The following KLF12 variants were observed in gnomAD, a reference collection of about 807,000 sequenced individuals.
KLF12 encodes KLF transcription factor 12, also known as Krueppel-like factor 12.
A neutral mutation model predicts 37.8 loss-of-function variants in KLF12; 9 were observed. The observed-to-expected ratio is 0.24, with a 90% CI of 0.14 to 0.42. The LOEUF is 0.42. KLF12 is among the 10% of genes least tolerant of loss of function. KLF12 has a pLI of 1.00. For missense variants in KLF12, 411 were observed against 516.0 expected, an observed-to-expected ratio of 0.80 and a Z score of 1.97; for synonymous variants, 208 against 202.1, an observed-to-expected ratio of 1.03 and a Z score of -0.25.
At chr13:74,014,966 A>T (rs1402344227) in intron 1 of KLF12, among the ~76,000 whole-genome samples, 1 of 152,192 alleles carries the variant, frequency 6.6e-6, no homozygotes. Flanking sequence ...AATCAAATCC[A>T]AGGATTGTGA....
chr13:73,741,662 C>T (rs1341002423), intron 6 of KLF12, among the ~76,000 whole-genome samples: 3 of 152,136 alleles, frequency 2.0e-5, no homozygotes, highest in Admixed American at 2.0e-4. Context: ...AGGATTACAA[C>T]CCTCATCTCT....
At chr13:73,956,770 T>TA (rs112313779) in intron 2 of KLF12, among the ~76,000 whole-genome samples, 10,785 of 151,222 alleles carry the variant, frequency 0.071, 605 homozygotes, top group African/African-American at 0.16. Context: ...AAAATAACAA[T>TA]AAAAAAAACT....
intron 1 of KLF12, among the ~76,000 whole-genome samples, chr13:74,119,620 T>C (rs546633607): frequency 1.3e-5 from 2 of 152,194 alleles, no homozygotes; most frequent in African/African-American, 2.4e-5. Flanking sequence ...CAGGAAGAAT[T>C]AGGAAACTTG....
At chr13:73,698,785 C>T (rs1203463746) in intron 7 of KLF12, among the ~76,000 whole-genome samples, 1 of 152,110 alleles carries the variant, frequency 6.6e-6, no homozygotes, top group African/African-American at 2.4e-5. Flanking sequence ...ATCTAGTCTT[C>T]TATGGAAGGG....
intron 6 of KLF12, among the ~76,000 whole-genome samples, chr13:73,762,098 G>C (rs905386568): frequency 6.6e-5 from 10 of 152,158 alleles, no homozygotes; most frequent in Non-Finnish European, 1.5e-4. Flanking sequence ...ATACCCGCAA[G>C]AAGTTCTTAT....
chr13:73,880,760 T>A (rs1397336047), intron 3 of KLF12, among the ~76,000 whole-genome samples: 1 of 152,226 alleles, frequency 6.6e-6, no homozygotes, highest in African/African-American at 2.4e-5. Flanking sequence ...CCCAGATTCT[T>A]GGCTATGTTC....
At chr13:74,012,616 C>T (rs1047036999) in intron 1 of KLF12, among the ~76,000 whole-genome samples, 1 of 152,174 alleles carries the variant, frequency 6.6e-6, no homozygotes, top group Non-Finnish European at 1.5e-5. Flanking sequence ...AATGTCAAAC[C>T]TCTGACAACA....
chr13:74,205,019 C>G, the KLF12 span, among the ~76,000 whole-genome samples: 3 of 152,052 alleles, frequency 2.0e-5, no homozygotes, highest in African/African-American at 7.2e-5. Context: ...TTCCCATTTA[C>G]TCTTTATTGT....
intron 6 of KLF12, among the ~76,000 whole-genome samples, chr13:73,731,113 C>T (rs922766507): frequency 3.9e-5 from 6 of 152,004 alleles, no homozygotes; most frequent in African/African-American, 1.2e-4. Flanking sequence ...CAGAGGGGAC[C>T]AATTCCAAGG....
At chr13:74,073,015 G>A (rs1243692507) in intron 1 of KLF12, among the ~76,000 whole-genome samples, 1 of 152,164 alleles carries the variant, frequency 6.6e-6, no homozygotes, top group Non-Finnish European at 1.5e-5. Context: ...ATGATTGTGA[G>A]TGTCTCATGA....
At chr13:74,030,209 G>C (rs892669782) in intron 1 of KLF12, among the ~76,000 whole-genome samples, 2 of 152,028 alleles carry the variant, frequency 1.3e-5, no homozygotes, top group Admixed American at 6.6e-5. Flanking sequence ...CAGTATGGTA[G>C]CCAGGACTCA....
intron 1 of KLF12, among the ~76,000 whole-genome samples, chr13:74,072,821 T>A (rs1874350260): frequency 6.6e-6 from 1 of 152,212 alleles, no homozygotes; most frequent in Admixed American, 6.5e-5. Flanking sequence ...ATCTGTGTTG[T>A]CACACTCCTC....
chr13:74,303,728 C>A, the KLF12 span, among the ~76,000 whole-genome samples: 11 of 152,086 alleles, frequency 7.2e-5, no homozygotes, highest in Admixed American at 7.2e-4. Flanking sequence ...TGTCAACGCA[C>A]AAATCCTCTA....
intron 3 of KLF12, among the ~76,000 whole-genome samples, chr13:73,857,806 G>A (rs1312652198): frequency 6.6e-6 from 1 of 152,132 alleles, no homozygotes; most frequent in African/African-American, 2.4e-5. Context: ...AGAGACCTAT[G>A]GCAGTAGGTA....
intron 4 of KLF12, among the ~76,000 whole-genome samples, chr13:73,835,162 A>G (rs1884366243): frequency 6.6e-6 from 1 of 151,678 alleles, no homozygotes; most frequent in South Asian, 2.1e-4. Context: ...TCTCGAATTC[A>G]GGTTTGAGTT....
At chr13:74,025,410 C>T (rs538443908) in intron 1 of KLF12, among the ~76,000 whole-genome samples, 3 of 152,006 alleles carry the variant, frequency 2.0e-5, no homozygotes, top group Middle Eastern at 3.4e-3. Flanking sequence ...GGGAAGAAGT[C>T]TCTGTTGCTA....
intron 2 of KLF12, among the ~76,000 whole-genome samples, chr13:73,958,959 G>A (rs1013124261): frequency 2.0e-5 from 3 of 151,938 alleles, no homozygotes; most frequent in Non-Finnish European, 4.4e-5. Context: ...GCAACTAATT[G>A]CTGAAACCTA....
chr13:74,180,108 A>G, the KLF12 span, among the ~76,000 whole-genome samples: 1 of 152,204 alleles, frequency 6.6e-6, no homozygotes, highest in Non-Finnish European at 1.5e-5. Context: ...GTTTTGATTA[A>G]TTGGGCTGTG....
At chr13:74,284,214 A>G in the KLF12 span, among the ~76,000 whole-genome samples, 1 of 152,192 alleles carries the variant, frequency 6.6e-6, no homozygotes, top group African/African-American at 2.4e-5. Context: ...AGGTATATCT[A>G]TGATCTTATA....
Sources: gnomAD v4.1 joint callset for allele counts (sites outside exome capture counted in the v4.1 genomes callset) on GRCh38, gnomAD v4.1.1 for gene constraint, MANE v1.5 for transcripts, NCBI Gene and HGNC (gene_info 2026-07-23, HGNC 2026-07-21) for gene names.